Variants in RAB3IP observed in about 807,000 individuals in gnomAD.
RAB3IP encodes rab-3A-interacting protein.
A neutral mutation model predicts 59.1 loss-of-function variants in RAB3IP; 36 were observed. The observed-to-expected ratio is 0.61, with a 90% CI of 0.47 to 0.80. The LOEUF (loss-of-function observed/expected upper bound fraction) is 0.80. Among genes scored for constraint, RAB3IP ranks in the 30% least tolerant of loss-of-function variants. The probability of loss-of-function intolerance (pLI) is 0.00; values close to 1 mark genes in which losing one functional copy is unlikely to be tolerated. For synonymous variants in RAB3IP, 207 were observed against 191.2 expected (o/e 1.08, Z -0.68); for missense variants, 511 against 536.0 (o/e 0.95, Z 0.46).
chr12:69,786,522 A>G (rs1267141684), intron 4 of RAB3IP, among the ~76,000 whole-genome samples: 1 of 152,194 alleles, frequency 6.6e-6, no homozygotes, highest in Non-Finnish European at 1.5e-5. Context: ...TTCTGAATAG[A>G]AGGTTATACA....
intron 8 of RAB3IP, among the ~76,000 whole-genome samples, chr12:69,806,834 G>T (rs548142258): frequency 9.2e-5 from 14 of 152,152 alleles, no homozygotes; most frequent in African/African-American, 3.4e-4. Flanking sequence ...ATCTTGCACT[G>T]CCCTTAATCC....
At chr12:69,806,946 CA>C (rs201235960) in intron 8 of RAB3IP, among the ~76,000 whole-genome samples, 6,370 of 152,248 alleles carry the variant, frequency 0.042, 138 homozygotes, top group Non-Finnish European at 0.048. Flanking sequence ...TTTCTTAGTC[CA>C]GAACAAAATG....
In RAB3IP at chr12:69,816,082, A is replaced by G. The variant is rs1447607844; in HGVS notation, c.*636A>G. The G allele has an allele frequency of 6.6e-6, 1 of 152,220 alleles. No homozygotes were observed. Among genetic ancestry groups the G allele is most frequent in the South Asian group, 2.1e-4 (1 of 4,836 alleles). The allele number at this position is 152,220 out of a possible 1,614,324, so 9.4% of individuals were successfully genotyped here. On this transcript the variant is annotated 3_prime_UTR_variant, in exon 11 of 11. Coordinates refer to ENST00000247833, the MANE Select transcript of RAB3IP (RefSeq NM_022456.5). ...ATTTTATCCCAGAGATGTATTCCTG[A>G]GTGTCTTGATATAGTGTATTCATGT...
chr12:69,809,835 T>G (rs1363958816), intron 8 of RAB3IP, among the ~76,000 whole-genome samples: 1 of 152,200 alleles, frequency 6.6e-6, no homozygotes, highest in African/African-American at 2.4e-5. Flanking sequence ...TTCTTTGCCA[T>G]TGGTTCGAAC....
In RAB3IP at chr12:69,755,638, G is replaced by T. The variant is rs954250611; in HGVS notation, c.230G>T (p.Cys77Phe). ...TATTCATCCCCCAGACGTTTAAATT[G>T]TGCGGAAATATCTAGTATCAGGTAG... ...PVYSSPRRLNCAEISSISFHV... is the reference protein window; with the variant it reads ...PVYSSPRRLNFAEISSISFHV... Residue 77 changes from cysteine to phenylalanine, a missense_variant, in exon 2 of 11, where the codon TGT (cysteine) becomes TTT (phenylalanine). By Grantham distance (205) the Cys-to-Phe change is radical. Transcript: ENST00000247833. The T allele has an allele frequency of 6.2e-7, 1 of 1,612,784 alleles. No homozygotes were observed. Among genetic ancestry groups the T allele is most frequent in the African/African-American group, 1.3e-5 (1 of 74,928 alleles).
At chr12:69,752,523 G>C (rs2136119062) in intron 1 of RAB3IP, among the ~76,000 whole-genome samples, 1 of 152,198 alleles carries the variant, frequency 6.6e-6, no homozygotes, top group East Asian at 1.9e-4. Context: ...ATTACGAAGA[G>C]TGCTGTTGTC....
chr12:69,771,768 T>C (rs1873160978), intron 3 of RAB3IP, among the ~76,000 whole-genome samples: 1 of 152,214 alleles, frequency 6.6e-6, no homozygotes, highest in South Asian at 2.1e-4. Flanking sequence ...CAACACTGTA[T>C]GAAAGATTTC....
rs1486935736 is a variant in RAB3IP at position 69,816,170 on chromosome 12, T to C, written c.*724T>C. 6.6e-6 allele frequency: 1 copy of C among 152,226 alleles called. No individual in the cohort carries two copies. Among genetic ancestry groups the C allele is most frequent in the Non-Finnish European group, 1.5e-5 (1 of 68,046 alleles). The allele number at this position is 152,226 out of a possible 1,614,324, so 9.4% of individuals were successfully genotyped here. The stretch of plus-strand genomic sequence containing the variant: ...CATAGATGTAAATGAGTTTGACGTG[T>C]GTCAAAGGGGTTTAAAGGGGTGTGG... On this transcript the variant is annotated 3_prime_UTR_variant, in exon 11 of 11. Coordinates refer to ENST00000247833, the MANE Select transcript of RAB3IP (RefSeq NM_022456.5).
chr12:69,822,277 C>T lies in RAB3IP; in HGVS notation c.*6831C>T, dbSNP rs1881830534. 2 of 152,182 alleles carry T rather than the reference C, an allele frequency of 1.3e-5. No individual in the cohort carries two copies. The highest frequency in any genetic ancestry group is 4.8e-5 in the African/African-American group (2 of 41,438). 9.4% of individuals were successfully genotyped at this position (152,182 alleles called of 1,614,324 possible). A position where few individuals can be genotyped will look rare whatever the true frequency, so the allele number is the denominator to read the frequency against. On this transcript the variant is annotated 3_prime_UTR_variant, in exon 11 of 11. Coordinates refer to ENST00000247833, the MANE Select transcript of RAB3IP (RefSeq NM_022456.5). ...TTGCTTTGTTTTACATCGCGTGCTTCAGGCTTTACTACAGCCTACCTGGAT... is the reference window on the plus strand; with the variant it reads ...TTGCTTTGTTTTACATCGCGTGCTTTAGGCTTTACTACAGCCTACCTGGAT...
In RAB3IP at chr12:69,766,590, G is replaced by A. The variant is rs908051366; in HGVS notation, c.510+9927G>A. ...GGCTGGAGTGCAATGGCACCATCTCGGCTCACTGCAACCTCCGCTTCCCAG... is the reference window on the plus strand; with the variant it reads ...GGCTGGAGTGCAATGGCACCATCTCAGCTCACTGCAACCTCCGCTTCCCAG... On this transcript the variant is annotated intron_variant, in intron 3 of 10. Coordinates refer to ENST00000247833, the MANE Select transcript of RAB3IP (RefSeq NM_022456.5). Among the ~76,000 whole-genome samples the A allele has an allele frequency of 3.8e-4, 57 of 150,846 alleles. 1 individual carries two copies. The highest frequency in any genetic ancestry group is 1.3e-3 in the African/African-American group (53 of 40,988).
At chr12:69,773,420 TTTTA>T (rs1344084490) in intron 3 of RAB3IP, among the ~76,000 whole-genome samples, 4 of 139,458 alleles carry the variant, frequency 2.9e-5, no homozygotes, top group African/African-American at 1.1e-4. Flanking sequence ...TTTTTTTTTT[TTTTA>T]TTATACTCTA....
intron 10 of RAB3IP, 114 bp from the exon 11 acceptor site, chr12:69,815,250 G>A (rs1293039026): frequency 4.3e-6 from 3 of 705,284 alleles, no homozygotes; most frequent in Non-Finnish European, 7.1e-6. Context: ...AAAAATGTAG[G>A]TACATCTTTA....
intron 8 of RAB3IP, among the ~76,000 whole-genome samples, chr12:69,811,078 T>C (rs1400472740): frequency 1.3e-5 from 2 of 152,218 alleles, no homozygotes; most frequent in African/African-American, 2.4e-5. Context: ...TCATGTCCTT[T>C]GCAGGGACAT....
chr12:69,800,713 T>C (rs1379313051), intron 7 of RAB3IP, among the ~76,000 whole-genome samples: 1 of 152,198 alleles, frequency 6.6e-6, no homozygotes, highest in African/African-American at 2.4e-5. Flanking sequence ...ATCTAATTTT[T>C]TATCTTTAAA....
At chr12:69,814,023 C>A (rs146485615) in intron 10 of RAB3IP, among the ~76,000 whole-genome samples, 163 of 152,192 alleles carry the variant, frequency 1.1e-3, no homozygotes, top group African/African-American at 3.8e-3. Context: ...ACCTGATAAC[C>A]TAATTAATGT....
chr12:69,768,319 A>G (rs182478470), intron 3 of RAB3IP, among the ~76,000 whole-genome samples: 101 of 152,270 alleles, frequency 6.6e-4, no homozygotes, highest in African/African-American at 2.2e-3. Context: ...GGGTGCTCCA[A>G]ATACCTGGAG....
At chr12:69,745,070 G>A (rs1208265649) in intron 1 of RAB3IP, among the ~76,000 whole-genome samples, 1 of 152,102 alleles carries the variant, frequency 6.6e-6, no homozygotes, top group Non-Finnish European at 1.5e-5. Context: ...AGACACAATA[G>A]TATAATGAAC....
chr12:69,764,490 T>C (rs1163902372), intron 3 of RAB3IP, among the ~76,000 whole-genome samples: 1 of 152,184 alleles, frequency 6.6e-6, no homozygotes, highest in Non-Finnish European at 1.5e-5. Context: ...TGTATTTTGT[T>C]CCATTAGTCT....
rs1887101102 is a variant in RAB3IP, at chr12:69,739,778, C to T, written c.-26+747C>T. On this transcript the variant is annotated intron_variant, in intron 1 of 10. Coordinates refer to ENST00000247833, the MANE Select transcript of RAB3IP (RefSeq NM_022456.5). ...ACTCGCCCCGACCGCCCAGGAAGCG[C>T]GAGCTTACTGGCTCCAGAAGTGATG... 3.1e-6 allele frequency: 5 copies of T among 1,595,188 alleles called. No individual in the cohort carries two copies. In the African/African-American group the frequency reaches 4.0e-5, roughly 13 times the overall value.
Sources: allele counts gnomAD v4.1 joint callset (sites outside exome capture counted in the v4.1 genomes callset), GRCh38; gene constraint gnomAD v4.1.1; transcripts MANE v1.5; gene names NCBI Gene and HGNC (gene_info 2026-07-23, HGNC 2026-07-21).